FBXO38: variants seen among roughly 807,000 people sequenced by gnomAD.
FBXO38 encodes F-box only protein 38.
A neutral mutation model predicts 131.9 loss-of-function variants in FBXO38; 53 were observed. That is an observed-to-expected ratio of 0.40 (90% CI 0.32 to 0.51). The LOEUF (loss-of-function observed/expected upper bound fraction) is 0.51, where lower values mean the gene tolerates loss of function less well. FBXO38 is among the 20% of genes least tolerant of loss of function. The pLI is 0.53. For missense variants in FBXO38, 1,076 were observed against 1,475.6 expected (o/e 0.73, Z 4.44); for synonymous variants, 452 against 505.6 (o/e 0.89, Z 1.42).
At chr5:148,399,158 C>T (rs771067137) in intron 3 of FBXO38, 26 bp downstream of exon 3, 1 of 1,609,700 alleles carries the variant, frequency 6.2e-7, no homozygotes, top group Non-Finnish European at 8.5e-7. Flanking sequence ...CTGTGAAGTA[C>T]AGTAGTGTCC....
chr5:148,415,520 T>C (rs1397978335), intron 10 of FBXO38: 3 of 202,908 alleles, frequency 1.5e-5, no homozygotes, highest in South Asian at 7.6e-5. Flanking sequence ...GTCCTGTAGC[T>C]TGTTTTTTGT....
intron 10 of FBXO38, among the ~76,000 whole-genome samples, chr5:148,414,948 G>C (rs1752966199): frequency 1.3e-5 from 2 of 152,112 alleles, no homozygotes; most frequent in African/African-American, 4.8e-5. Context: ...TTGTGACAAA[G>C]CCTCTCACTG....
chr5:148,391,887 G>A (rs1758213790), intron 1 of FBXO38, among the ~76,000 whole-genome samples: 1 of 152,068 alleles, frequency 6.6e-6, no homozygotes, highest in African/African-American at 2.4e-5. Flanking sequence ...TTCATAAAAT[G>A]TTGTATGCAG....
intron 12 of FBXO38, among the ~76,000 whole-genome samples, chr5:148,418,899 A>G (rs987169547): frequency 1.3e-5 from 2 of 152,240 alleles, no homozygotes; most frequent in Non-Finnish European, 2.9e-5. Context: ...TTTAATTTGT[A>G]TCTGTATTTG....
At chr5:148,408,077 TGAATA>T (rs1205490922) in intron 7 of FBXO38, among the ~76,000 whole-genome samples, 54 of 151,922 alleles carry the variant, frequency 3.6e-4, no homozygotes, top group Admixed American at 2.8e-3. Context: ...GGAGAAGACT[TGAATA>T]GAAAAGTTTG....
At chr5:148,424,583 C>T (rs1041414318) in intron 13 of FBXO38, among the ~76,000 whole-genome samples, 42 of 152,074 alleles carry the variant, frequency 2.8e-4, no homozygotes, top group African/African-American at 8.7e-4. Context: ...AAGATTAACT[C>T]GCATAGCCTT....
At chr5:148,398,962 T>C (rs752500020) in intron 2 of FBXO38, 37 bp from the exon 3 acceptor site, 11 of 1,610,476 alleles carry the variant, frequency 6.8e-6, no homozygotes, top group Non-Finnish European at 9.3e-6. Flanking sequence ...GTAATACTTA[T>C]CCACTTGATA....
intron 15 of FBXO38, 49 bp from the exon 16 acceptor site, chr5:148,433,375 A>G (rs1190083864): frequency 7.4e-7 from 1 of 1,355,716 alleles, no homozygotes; most frequent in East Asian, 2.3e-5. Flanking sequence ...GCTTGAGGGA[A>G]AGAAAGCAAG....
chr5:148,397,055 A>G (rs187416333), intron 2 of FBXO38, among the ~76,000 whole-genome samples: 5 of 152,308 alleles, frequency 3.3e-5, no homozygotes, highest in African/African-American at 1.2e-4. Context: ...AGAACCATGA[A>G]CTTAGTTCTT....
intron 1 of FBXO38, among the ~76,000 whole-genome samples, chr5:148,388,200 A>T (rs1758017397): frequency 6.6e-6 from 1 of 152,194 alleles, no homozygotes; most frequent in Non-Finnish European, 1.5e-5. Flanking sequence ...ATCTTAGTAG[A>T]AGTCTTATTT....
chr5:148,394,126 G>A (rs1481445961), intron 1 of FBXO38, among the ~76,000 whole-genome samples: 5 of 152,170 alleles, frequency 3.3e-5, no homozygotes, highest in Admixed American at 1.3e-4. Context: ...ATAAGCTTGT[G>A]TTTATTTTTT....
chr5:148,418,793 T>A (rs1753221898), intron 12 of FBXO38, among the ~76,000 whole-genome samples: 1 of 152,244 alleles, frequency 6.6e-6, no homozygotes, highest in Non-Finnish European at 1.5e-5. Flanking sequence ...AAGATTACTT[T>A]GCCATGGACT....
At position 148,427,776 on chromosome 5, in the gene FBXO38, C is replaced by T; in HGVS notation, c.2482C>T (p.Pro828Ser). The change falls in exon 15 of 22, where the codon CCA becomes TCA. Residue 828 changes from proline (P) to serine (S), a missense_variant. Pro to Ser is a moderately conservative substitution (Grantham distance 74, BLOSUM62 -1). Around this residue, in one of 8 missense-constraint regions of FBXO38, gnomAD observed 213 missense variants for 225.2 expected, o/e 0.95. Coordinates refer to ENST00000340253, the MANE Select transcript of FBXO38 (RefSeq NM_205836.3). Reference sequence around the variant, plus strand: ...TCTGCCACAAGGGGGGTCTTCAGGCCCAGCACATGATGAGAGGACTAATGG... The same window carrying T: ...TCTGCCACAAGGGGGGTCTTCAGGCTCAGCACATGATGAGAGGACTAATGG... ...RTLPQGGSSG[P>S]AHDERTNGSG... The T allele has an allele frequency of 5.6e-6, 9 of 1,611,294 alleles. No individual in the cohort carries two copies. The highest frequency in any genetic ancestry group is 6.8e-6 in the Non-Finnish European group (8 of 1,178,540).
intron 12 of FBXO38, among the ~76,000 whole-genome samples, chr5:148,417,673 A>G (rs1581262247): frequency 6.6e-6 from 1 of 152,202 alleles, no homozygotes; most frequent in East Asian, 1.9e-4. Flanking sequence ...CAGATTAAGT[A>G]CATTAGCTAA....
chr5:148,408,712 A>G (rs1356905807), intron 7 of FBXO38, among the ~76,000 whole-genome samples: 1 of 152,196 alleles, frequency 6.6e-6, no homozygotes, highest in Non-Finnish European at 1.5e-5. Flanking sequence ...TCTTTTTTGT[A>G]GGTAAATACA....
intron 17 of FBXO38, 148 bp from the exon 18 acceptor site, chr5:148,438,184 A>T (rs185573973): frequency 8.0e-6 from 5 of 626,782 alleles, no homozygotes; most frequent in African/African-American, 1.9e-5. Context: ...ACATTTTCAA[A>T]TTTTTTTGTT....
Position 148,427,948 on chromosome 5 carries a change from G to C in FBXO38, c.2653+1G>C. On this transcript the variant is annotated splice_donor_variant, in intron 15 of 21. Transcript: ENST00000340253. LOFTEE classifies it high-confidence loss of function. ...CATGTACTGCTGGTATCTGAGTCAG[G>C]TATGACAATGCTCCTAGGATTAGCA... The C allele has an allele frequency of 1.3e-6, 2 of 1,505,828 alleles. No homozygotes were observed. The highest frequency in any genetic ancestry group is 1.8e-6 in the Non-Finnish European group (2 of 1,127,104). 93.3% of individuals were successfully genotyped at this position (1,505,828 alleles called of 1,614,324 possible).
intron 13 of FBXO38, among the ~76,000 whole-genome samples, chr5:148,425,073 G>A (rs1319042033): frequency 6.6e-6 from 1 of 152,130 alleles, no homozygotes; most frequent in Non-Finnish European, 1.5e-5. Context: ...AAAGAATATG[G>A]AGTCTTATTT....
At chr5:148,429,345 T>TA (rs398038862) in intron 15 of FBXO38, among the ~76,000 whole-genome samples, 261 of 152,022 alleles carry the variant, frequency 1.7e-3, no homozygotes, top group Non-Finnish European at 2.3e-3. Context: ...TTTTTTTTTT[T>TA]ATTCCAAACT....
Sources: gnomAD v4.1 joint callset for allele counts (sites outside exome capture counted in the v4.1 genomes callset) on GRCh38, gnomAD v4.1.1 for gene constraint, gnomAD v4.1.1 regional missense constraint, MANE v1.5 for transcripts, NCBI Gene and HGNC (gene_info 2026-07-23, HGNC 2026-07-21) for gene names.